The following TBC1D22A variants were observed in gnomAD, a reference collection of about 807,000 sequenced individuals.
TBC1D22A encodes the protein putative GTPase activator.
Under a neutral mutation model 60.2 loss-of-function variants are expected in TBC1D22A, and 38 were observed. That is an observed-to-expected ratio of 0.63 (90% CI 0.49 to 0.83). TBC1D22A has a LOEUF of 0.83. TBC1D22A is among the 40% of genes least tolerant of loss of function. The probability of loss-of-function intolerance (pLI) is 0.00; values close to 1 mark genes in which losing one functional copy is unlikely to be tolerated. For synonymous variants in TBC1D22A, 302 were observed against 281.7 expected, an observed-to-expected ratio of 1.07 and a Z score of -0.72; for missense variants, 628 against 701.0, an observed-to-expected ratio of 0.90 and a Z score of 1.18.
At chr22:46,910,772 C>G (rs6009048) in intron 7 of TBC1D22A, among the ~76,000 whole-genome samples, 4,628 of 151,798 alleles carry the variant, frequency 0.03, 108 homozygotes, top group Middle Eastern at 0.058. Flanking sequence ...CCAGGGGAGT[C>G]GAGACCCAGG....
chr22:46,794,821 GA>G (rs2084582419), intron 3 of TBC1D22A, among the ~76,000 whole-genome samples: 1 of 152,162 alleles, frequency 6.6e-6, no homozygotes, highest in African/African-American at 2.4e-5. Context: ...GGCAGGGGGT[GA>G]GGGGCAGGGG....
At chr22:47,092,663 C>T (rs779107009) in intron 11 of TBC1D22A, among the ~76,000 whole-genome samples, 6 of 152,196 alleles carry the variant, frequency 3.9e-5, no homozygotes, top group African/African-American at 7.2e-5. Context: ...GGGGACAGAA[C>T]GTGGGTCGCT....
intron 12 of TBC1D22A, among the ~76,000 whole-genome samples, chr22:47,121,957 G>T (rs2066285908): frequency 6.6e-6 from 1 of 152,122 alleles, no homozygotes; most frequent in African/African-American, 2.4e-5. Flanking sequence ...ACCGCATCCA[G>T]CCTTGAGGTG....
At chr22:47,097,065 A>G (rs957449076) in intron 11 of TBC1D22A, among the ~76,000 whole-genome samples, 57 of 62,230 alleles carry the variant, frequency 9.2e-4, no homozygotes, top group Non-Finnish European at 1.4e-3. Context: ...CAGTATGGGC[A>G]TGGCCACGTG....
chr22:46,905,160 A>C (rs1267642481), intron 7 of TBC1D22A, among the ~76,000 whole-genome samples: 2 of 152,236 alleles, frequency 1.3e-5, no homozygotes, highest in Admixed American at 1.3e-4. Context: ...TGATTTCGGA[A>C]GGAGTTTTTA....
At chr22:47,037,269 C>T in intron 11 of TBC1D22A, 71 bp downstream of exon 11, 2 of 1,590,100 alleles carry the variant, frequency 1.3e-6, no homozygotes, top group South Asian at 2.2e-5. Context: ...GCCTTCTGCC[C>T]TGGGCCTGTG....
intron 7 of TBC1D22A, 111 bp from the exon 8 acceptor site, chr22:46,911,963 A>G: frequency 1.4e-6 from 1 of 697,516 alleles, no homozygotes; most frequent in South Asian, 1.9e-5. Context: ...GTATCTTAAT[A>G]TTAGGAGCAA....
At chr22:47,095,617 T>C (rs1009256176) in intron 11 of TBC1D22A, among the ~76,000 whole-genome samples, 1 of 117,110 alleles carries the variant, frequency 8.5e-6, no homozygotes, top group African/African-American at 3.5e-5. Context: ...GGCATCAGGA[T>C]TTCCCCGTCT....
chr22:46,795,001 C>A (rs1027206333), intron 3 of TBC1D22A, among the ~76,000 whole-genome samples: 12 of 152,212 alleles, frequency 7.9e-5, no homozygotes, highest in African/African-American at 2.9e-4. Flanking sequence ...TTTTTAAAAC[C>A]ACTTTCTAGG....
At chr22:46,769,605 G>T (rs1258989138) in intron 1 of TBC1D22A, among the ~76,000 whole-genome samples, 1 of 152,170 alleles carries the variant, frequency 6.6e-6, no homozygotes, top group Admixed American at 6.5e-5. Flanking sequence ...TCAGGGGAGG[G>T]TGTATAGGAG....
At chr22:47,151,062 C>T (rs2067481962) in intron 12 of TBC1D22A, among the ~76,000 whole-genome samples, 1 of 152,110 alleles carries the variant, frequency 6.6e-6, no homozygotes, top group Admixed American at 6.5e-5. Flanking sequence ...CGCTGTGGCC[C>T]CTCAGAGGCT....
At chr22:47,104,923 C>A (rs975268795) in intron 11 of TBC1D22A, among the ~76,000 whole-genome samples, 2 of 151,936 alleles carry the variant, frequency 1.3e-5, no homozygotes, top group African/African-American at 2.4e-5. Context: ...GCTGCTGCCA[C>A]CTTTCACTTG....
At chr22:47,072,044 T>C (rs1028996877) in intron 11 of TBC1D22A, among the ~76,000 whole-genome samples, 2 of 152,102 alleles carry the variant, frequency 1.3e-5, no homozygotes, top group Non-Finnish European at 2.9e-5. Context: ...GTTTCTAAGG[T>C]GGTTTCATTT....
rs776778660 is a variant in TBC1D22A, at chr22:46,997,694, G to A, written c.1186G>A (p.Val396Met). ...QMKVKMLEELVSRIDEQVHRH... is the reference protein window; with the variant it reads ...QMKVKMLEELMSRIDEQVHRH... ...GAAAGTGAAAATGTTAGAAGAACTC[G>A]TGAGCCGGATTGATGGTAAGCCAGC... The change falls in exon 10 of 13, where the codon GTG becomes ATG. Residue 396 changes from valine to methionine, a missense_variant. Transcript: ENST00000337137. The A allele has an allele frequency of 1.1e-5, 17 of 1,613,830 alleles. No homozygotes were observed. The highest frequency in any genetic ancestry group is 3.3e-5 in the South Asian group (3 of 91,070).
At chr22:46,844,997 T>C (rs1396633310) in intron 4 of TBC1D22A, among the ~76,000 whole-genome samples, 1 of 152,210 alleles carries the variant, frequency 6.6e-6, no homozygotes, top group Non-Finnish European at 1.5e-5. Context: ...GTCCTGTCTG[T>C]GCCTGGAGTC....
rs181232902 is a variant in TBC1D22A, at chr22:47,069,507, G to C, written c.1329+32309G>C. Among the ~76,000 whole-genome samples, 380 of 152,314 alleles carry C rather than the reference G, an allele frequency of 2.5e-3. 3 individuals carry two copies. The highest frequency in any genetic ancestry group is 8.9e-3 in the African/African-American group (372 of 41,576). The stretch of plus-strand genomic sequence containing the variant: ...GTCAGGATGGACGAACGTGAGTCTT[G>C]GCATGGTGCAAGTGCATCTGAATTG... On this transcript the variant is annotated intron_variant, in intron 11 of 12. Coordinates refer to ENST00000337137, the MANE Select transcript of TBC1D22A (RefSeq NM_014346.5).
intron 10 of TBC1D22A, among the ~76,000 whole-genome samples, chr22:47,027,715 C>G (rs2062306890): frequency 6.6e-6 from 1 of 152,232 alleles, no homozygotes; most frequent in African/African-American, 2.4e-5. Context: ...AACCCTCACA[C>G]ATTAAAGAAA....
intron 4 of TBC1D22A, among the ~76,000 whole-genome samples, chr22:46,832,046 C>G (rs746993328): frequency 2.6e-5 from 4 of 152,194 alleles, no homozygotes; most frequent in Non-Finnish European, 5.9e-5. Context: ...CAGTATTTCT[C>G]TTATTCCTTT....
intron 12 of TBC1D22A, among the ~76,000 whole-genome samples, chr22:47,159,645 A>G (rs2067890181): frequency 6.6e-6 from 1 of 151,818 alleles, no homozygotes; most frequent in Non-Finnish European, 1.5e-5. Flanking sequence ...TGCACCACAT[A>G]CCACGTATAT....
Sources: allele counts gnomAD v4.1 joint callset (sites outside exome capture counted in the v4.1 genomes callset), GRCh38; gene constraint gnomAD v4.1.1; transcripts MANE v1.5; gene names NCBI Gene and HGNC (gene_info 2026-07-23, HGNC 2026-07-21).